The following FRA10AC1 variants were observed in gnomAD, a reference collection of about 807,000 sequenced individuals.
The protein encoded by FRA10AC1 is protein FRA10AC1.
A neutral mutation model predicts 56.5 loss-of-function variants in FRA10AC1; 43 were observed. That is an observed-to-expected ratio of 0.76 (90% confidence interval 0.60 to 0.98). The LOEUF is 0.98. FRA10AC1 is among the 50% of genes least tolerant of loss of function. The probability of loss-of-function intolerance (pLI) is 0.00; values close to 1 mark genes in which losing one functional copy is unlikely to be tolerated. For missense variants in FRA10AC1, 346 were observed against 351.8 expected (o/e 0.98, Z 0.13); for synonymous variants, 112 against 110.5 (o/e 1.01, Z -0.09).
At chr10:93,683,540 A>G (rs902254246) in intron 10 of FRA10AC1, among the ~76,000 whole-genome samples, 1 of 152,080 alleles carries the variant, frequency 6.6e-6, no homozygotes, top group African/African-American at 2.4e-5. Context: ...CAGTAGAGAC[A>G]GGGTTTTACC....
rs946059597 is a variant in FRA10AC1 at position 93,694,878 on chromosome 10, T to G, written c.279A>C (p.Glu93Asp). 2 of 1,587,564 alleles carry G rather than the reference T, an allele frequency of 1.3e-6. No homozygotes were observed. The highest frequency in any genetic ancestry group is 2.2e-5 in the East Asian group (1 of 44,742). Residue 93 changes from glutamate (E) to aspartate (D), a missense_variant, in exon 5 of 14, where the codon GAA (glutamate) becomes GAC (aspartate). By Grantham distance (45) the Glu-to-Asp change is conservative. Coordinates refer to ENST00000359204, the MANE Select transcript of FRA10AC1 (RefSeq NM_145246.5). ...ATACTTACCCCAAACGCTTGAAGTC[T>G]TCTTTTTTGCCACCATAGTATAAAA... ...DYILYYGGKK[E>D]DFKRLGENDK...
chr10:93,700,073 TA>T lies in FRA10AC1; in HGVS notation c.33del (p.Phe11LeufsTer59). On this transcript the variant is annotated frameshift_variant, in exon 2 of 14. Transcript: ENST00000359204. LOFTEE classifies it high-confidence loss of function. ...GATTCTCCACAGCGTTCATCATCAC[TA>T]AAATCAGAATCATAGCCTCCATGAC... Reference protein sequence around the residue: MHGHGGYDSDFSDDERCGESS... With the variant: MHGHGGYDSDXSDDERCGESS... The T allele has an allele frequency of 6.2e-7, 1 of 1,604,020 alleles. No individual in the cohort carries two copies. The highest frequency in any genetic ancestry group is 8.5e-7 in the Non-Finnish European group (1 of 1,172,542).
In FRA10AC1 at chr10:93,681,544, T is replaced by C; in HGVS notation, c.723A>G (p.Glu241=). 1 of 1,575,018 alleles carries C rather than the reference T, an allele frequency of 6.3e-7. No individual in the cohort carries two copies. The highest frequency in any genetic ancestry group is 8.6e-7 in the Non-Finnish European group (1 of 1,163,906). The change falls in exon 11 of 14, where the codon GAA becomes GAG. Residue 241 remains glutamate, a synonymous_variant. Transcript: ENST00000359204. ...ATCTGGATTTTTTATGTGATGACTC[T>C]TCACAGTCTTTTTTGGTTTTATCTT... ...KRKDKTKKDC[E]ESSHKKSRLS... is the part of the protein sequence containing the mutation.
intron 12 of FRA10AC1, chr10:93,675,583 C>A (rs757800668): frequency 1.1e-5 from 3 of 263,660 alleles, no homozygotes; most frequent in South Asian, 9.8e-5. Flanking sequence ...TGGGTGTCTG[C>A]AGTCCCGGCG....
chr10:93,699,918 G>A (rs1589731209), intron 2 of FRA10AC1, 112 bp downstream of exon 2: 1 of 620,970 alleles, frequency 1.6e-6, no homozygotes, highest in Non-Finnish European at 2.8e-6. Flanking sequence ...ATTCACTAGA[G>A]CAATTGTCTT....
At chr10:93,692,534 GA>G in intron 6 of FRA10AC1, 111 bp downstream of exon 6, 1 of 685,906 alleles carries the variant, frequency 1.5e-6, no homozygotes, top group Non-Finnish European at 2.5e-6. Context: ...TTATGTCCTT[GA>G]TTCAGAACTG....
At chr10:93,674,582 C>A (rs1402441684) in intron 12 of FRA10AC1, 1 of 152,074 alleles carries the variant, frequency 6.6e-6, no homozygotes, top group African/African-American at 2.4e-5. Flanking sequence ...AGGGGTTTCT[C>A]AGATTGGATA....
rs990359690 is a variant in FRA10AC1 at position 93,676,812 on chromosome 10, AC to A, written c.788-122del. Reference sequence around the variant, plus strand: ...TTATAGTCTTACAGATAAGCACTTCACTGTTTTCTAATCTTTCATGTTCCTT... The same window carrying A: ...TTATAGTCTTACAGATAAGCACTTCATGTTTTCTAATCTTTCATGTTCCTT... On this transcript the variant is annotated intron_variant, in intron 11 of 13. Transcript: ENST00000359204. 3.8e-6 allele frequency: 5 copies of A among 1,323,378 alleles called. No homozygotes were observed. In the African/African-American group the frequency reaches 7.6e-5, roughly 20 times the overall value. The allele number at this position is 1,323,378 out of a possible 1,614,324, so 82.0% of individuals were successfully genotyped here.
At chr10:93,699,471 T>C (rs2059292346) in intron 2 of FRA10AC1, among the ~76,000 whole-genome samples, 1 of 152,206 alleles carries the variant, frequency 6.6e-6, no homozygotes, top group Non-Finnish European at 1.5e-5. Context: ...ACAATGCTCC[T>C]ACGCACAGCA....
At chr10:93,676,533 A>G in intron 12 of FRA10AC1, 120 bp downstream of exon 12, 1 of 1,372,142 alleles carries the variant, frequency 7.3e-7, no homozygotes, top group South Asian at 1.5e-5. Flanking sequence ...TTTCTCATGT[A>G]CAAAAATAAT....
In FRA10AC1 at chr10:93,684,052, T is replaced by C. The variant is rs77005006; in HGVS notation, c.668+4A>G. The C allele has an allele frequency of 1.9e-6, 3 of 1,586,044 alleles. No individual in the cohort carries two copies. The highest frequency in any genetic ancestry group is 3.3e-5 in the Admixed American group (2 of 59,768). ...ATTAAGAATGGCATTTTAAAAGACA[T>C]TACCTGTGATGGAAATTTAATTTAA... On this transcript the variant is annotated splice_donor_region_variant and intron_variant, in intron 10 of 13. Coordinates refer to ENST00000359204, the MANE Select transcript of FRA10AC1 (RefSeq NM_145246.5).
intron 4 of FRA10AC1, among the ~76,000 whole-genome samples, chr10:93,697,726 G>A (rs1366211114): frequency 6.6e-6 from 1 of 152,094 alleles, no homozygotes; most frequent in African/African-American, 2.4e-5. Context: ...TAGATCCAGG[G>A]ACAGACTGGA....
Position 93,668,469 on chromosome 10 carries a change from C to A in FRA10AC1, c.*1357G>T, listed in dbSNP as rs921077760. The A allele has an allele frequency of 6.6e-6, 1 of 152,218 alleles. No homozygotes were observed. Among genetic ancestry groups the A allele is most frequent in the Non-Finnish European group, 1.5e-5 (1 of 68,068 alleles). 9.4% of individuals were successfully genotyped at this position (152,218 alleles called of 1,614,324 possible). The stretch of plus-strand genomic sequence containing the variant: ...GGATCTCCTGAAGCACCTCCATAGA[C>A]CCTTGCGACTAGGACCTTATGTTAA... On this transcript the variant is annotated 3_prime_UTR_variant, in exon 14 of 14. Coordinates refer to ENST00000359204, the MANE Select transcript of FRA10AC1 (RefSeq NM_145246.5).
rs1340235985 is a variant in FRA10AC1 at position 93,691,999 on chromosome 10, G to C, written c.465+10C>G. 3.8e-6 allele frequency: 6 copies of C among 1,566,668 alleles called. No homozygotes were observed. Among genetic ancestry groups the C allele is most frequent in the Middle Eastern group, 1.7e-4 (1 of 5,824 alleles). ...AAGAACCTCTTTCCATAAATATGTGGAAAGCATACCTTATTTTCTTTATAT... is the reference window on the plus strand; with the variant it reads ...AAGAACCTCTTTCCATAAATATGTGCAAAGCATACCTTATTTTCTTTATAT... On this transcript the variant is annotated intron_variant, in intron 7 of 13. Transcript: ENST00000359204.
intron 5 of FRA10AC1, 136 bp downstream of exon 5, chr10:93,694,713 TAAAAAAAAAAAA>T (rs10554752): frequency 0.028 from 6,750 of 239,776 alleles, 348 homozygotes; most frequent in African/African-American, 0.24. Context: ...GACTCCATCT[TAAAAAAAAAAAA>T]AAAAAAAAAA....
intron 4 of FRA10AC1, among the ~76,000 whole-genome samples, chr10:93,695,803 C>T (rs2059223607): frequency 6.6e-6 from 1 of 151,964 alleles, no homozygotes; most frequent in Non-Finnish European, 1.5e-5. Context: ...TGATCTACCA[C>T]TAACTGGTCA....
rs1223037130 is a variant in FRA10AC1 at position 93,698,140 on chromosome 10, T to C, written c.215A>G (p.Asp72Gly). 14 of 1,551,956 alleles carry C rather than the reference T, an allele frequency of 9.0e-6. No homozygotes were observed. The highest frequency in any genetic ancestry group is 1.2e-5 in the Non-Finnish European group (14 of 1,143,766). Residue 72 changes from aspartate to glycine, a missense_variant, in exon 4 of 14, where the codon GAT (aspartate) becomes GGT (glycine). Transcript: ENST00000359204. ...RNRRFHLIAM[D>G]AYQRHTKFVN... ...CTGGAAATAAAAAAAGGATACAGCA[T>C]CCATAGCTATGAGATGAAACCTTCT...
At chr10:93,695,071 C>T (rs1455008454) in intron 4 of FRA10AC1, 134 bp from the exon 5 acceptor site, 2 of 561,382 alleles carry the variant, frequency 3.6e-6, no homozygotes, top group Non-Finnish European at 6.3e-6. Context: ...ACTATACATG[C>T]TTACACATTC....
chr10:93,694,937 ACTG>A lies in FRA10AC1; in HGVS notation c.220-3_220-1del. 1 of 1,415,534 alleles carries A rather than the reference ACTG, an allele frequency of 7.1e-7. No individual in the cohort carries two copies. Among genetic ancestry groups the A allele is most frequent in the Admixed American group, 1.7e-5 (1 of 58,382 alleles). The allele number at this position is 1,415,534 out of a possible 1,614,324, so 87.7% of individuals were successfully genotyped here. A position where few individuals can be genotyped will look rare whatever the true frequency, so the allele number is the denominator to read the frequency against. ...TTTACGAACTTTGTATGTCTTTGATACTGAAATGCAAAAAATTAAGGATTTTAT... is the reference window on the plus strand; with the variant it reads ...TTTACGAACTTTGTATGTCTTTGATAAAATGCAAAAAATTAAGGATTTTAT... On this transcript the variant is annotated splice_acceptor_variant and splice_polypyrimidine_tract_variant and intron_variant, in intron 4 of 13. Coordinates refer to ENST00000359204, the MANE Select transcript of FRA10AC1 (RefSeq NM_145246.5). LOFTEE classifies it high-confidence loss of function.
Sources: allele counts gnomAD v4.1 joint callset (sites outside exome capture counted in the v4.1 genomes callset), GRCh38; gene constraint gnomAD v4.1.1; transcripts MANE v1.5; gene names NCBI Gene and HGNC (gene_info 2026-07-23, HGNC 2026-07-21).